POLR1A: variants seen among roughly 807,000 people sequenced by gnomAD.
POLR1A encodes DNA-directed RNA polymerase I subunit RPA1.
In POLR1A, 84 loss-of-function variants were observed where a neutral mutation model predicts 205.3. The observed-to-expected ratio is 0.41, with a 90% CI of 0.34 to 0.49. The LOEUF (loss-of-function observed/expected upper bound fraction) is 0.49, where lower values mean the gene tolerates loss of function less well. Among genes scored for constraint, POLR1A ranks in the 20% least tolerant of loss-of-function variants. The pLI is 0.22. For synonymous variants in POLR1A, 799 were observed against 863.7 expected, an observed-to-expected ratio of 0.93 and a Z score of 1.31; for missense variants, 1,645 against 2,204.5, an observed-to-expected ratio of 0.75 and a Z score of 5.08.
intron 30 of POLR1A, 105 bp from the exon 31 acceptor site, chr2:86,030,501 G>C (rs1006286848): frequency 4.6e-5 from 37 of 810,212 alleles, no homozygotes; most frequent in Admixed American, 2.3e-4. Context: ...CCCTGGCTGG[G>C]GGAAAGTGGT....
chr2:86,105,826 C>T lies in POLR1A; in HGVS notation c.-50G>A. 1 of 1,454,278 alleles carries T rather than the reference C, an allele frequency of 6.9e-7. No homozygotes were observed. 90.1% of individuals were successfully genotyped at this position (1,454,278 alleles called of 1,614,324 possible). A position where few individuals can be genotyped will look rare whatever the true frequency, so the allele number is the denominator to read the frequency against. ...ACACCCCAAGAGACGTTCCACTCAC[C>T]ACCTGACTATTCTTAATTCAACCTC... On this transcript the variant is annotated 5_prime_UTR_variant, in exon 1 of 34. Transcript: ENST00000263857.
chr2:86,062,369 A>G (rs1007217869), intron 14 of POLR1A, among the ~76,000 whole-genome samples: 1 of 152,228 alleles, frequency 6.6e-6, no homozygotes, highest in African/African-American at 2.4e-5. Flanking sequence ...CTCTAGGCAC[A>G]ATGAAATTAA....
chr2:86,075,351 C>A (rs1673262129), intron 11 of POLR1A, 91 bp from the exon 12 acceptor site: 2 of 915,466 alleles, frequency 2.2e-6, no homozygotes, highest in African/African-American at 3.3e-5. Context: ...TGTCTTTTCA[C>A]CCAAGATGTG....
At chr2:86,087,454 T>C (rs1021990360) in intron 6 of POLR1A, among the ~76,000 whole-genome samples, 1 of 152,208 alleles carries the variant, frequency 6.6e-6, no homozygotes, top group Non-Finnish European at 1.5e-5. Flanking sequence ...AATGCCATTA[T>C]ATAGAGTTAG....
chr2:86,067,131 A>G (rs535115505), intron 13 of POLR1A, among the ~76,000 whole-genome samples: 1 of 152,342 alleles, frequency 6.6e-6, no homozygotes, highest in East Asian at 1.9e-4. Context: ...TGCAATCATC[A>G]CAAATTCTAT....
In POLR1A at chr2:86,042,968, C is replaced by T. The variant is rs748705921; in HGVS notation, c.3357+6G>A. ...GGACATTAAGGACACCACCTCCCTG[C>T]ATCACCTCCTGAGTCCCAGGGCTGC... On this transcript the variant is annotated splice_donor_region_variant and intron_variant, in intron 23 of 33. Coordinates refer to ENST00000263857, the MANE Select transcript of POLR1A (RefSeq NM_015425.6). 6.2e-7 allele frequency: 1 copy of T among 1,605,800 alleles called. No individual in the cohort carries two copies. The highest frequency in any genetic ancestry group is 8.5e-7 in the Non-Finnish European group (1 of 1,172,658).
chr2:86,063,088 C>A (rs1045437972), intron 14 of POLR1A, among the ~76,000 whole-genome samples: 16 of 152,156 alleles, frequency 1.1e-4, no homozygotes, highest in Admixed American at 6.5e-4. Context: ...GTAGTCCCAG[C>A]ACTTTGGGAG....
At chr2:86,096,027 C>T (rs7592545) in intron 3 of POLR1A, among the ~76,000 whole-genome samples, 3,782 of 151,906 alleles carry the variant, frequency 0.025, 160 homozygotes, top group African/African-American at 0.085. Context: ...TGCACCCAGC[C>T]GACATAATCT....
At chr2:86,042,664 G>T (rs1030447137) in intron 23 of POLR1A, among the ~76,000 whole-genome samples, 5 of 152,140 alleles carry the variant, frequency 3.3e-5, no homozygotes, top group African/African-American at 1.2e-4. Context: ...CTCTACCCAG[G>T]GCTCTGTCCA....
intron 3 of POLR1A, among the ~76,000 whole-genome samples, chr2:86,093,874 C>T (rs72934567): frequency 0.019 from 2,825 of 152,256 alleles, 83 homozygotes; most frequent in African/African-American, 0.063. Flanking sequence ...CAGTTTAGAG[C>T]CATCTGTTAC....
chr2:86,044,050 G>T, intron 22 of POLR1A, 89 bp downstream of exon 22: 1 of 1,299,862 alleles, frequency 7.7e-7, no homozygotes, highest in Middle Eastern at 1.9e-4. Context: ...ACTTGGACTG[G>T]GTTGCAAAGC....
chr2:86,078,965 C>T (rs1457149220), intron 9 of POLR1A, among the ~76,000 whole-genome samples: 1 of 152,172 alleles, frequency 6.6e-6, no homozygotes, highest in Non-Finnish European at 1.5e-5. Context: ...CTTAGAGCAC[C>T]ACCTATTGAT....
chr2:86,038,229 A>G (rs1672533424), intron 27 of POLR1A, among the ~76,000 whole-genome samples: 1 of 152,220 alleles, frequency 6.6e-6, no homozygotes, highest in Admixed American at 6.5e-5. Context: ...TATAGAATGG[A>G]GATCTAACAG....
In POLR1A at chr2:86,038,788, G is replaced by C; in HGVS notation, c.3946C>G (p.Gln1316Glu). Residue 1316 changes from glutamine to glutamate, a missense_variant, in exon 27 of 34, where the codon CAG becomes GAG. Coordinates refer to ENST00000263857, the MANE Select transcript of POLR1A (RefSeq NM_015425.6). The stretch of plus-strand genomic sequence containing the variant: ...TGTGGCAGGAACTGAAACCGCAGCT[G>C]GTACACCTGGAATTTGTTCTGTTTT... ...EEKQNKFQVYQLRFQFLPHAY... is the reference protein window; with the variant it reads ...EEKQNKFQVYELRFQFLPHAY... The C allele has an allele frequency of 6.2e-7, 1 of 1,613,902 alleles. No individual in the cohort carries two copies. Among genetic ancestry groups the C allele is most frequent in the Non-Finnish European group, 8.5e-7 (1 of 1,179,820 alleles).
chr2:86,058,398 CTTTTTTTTTTTTT>C (rs11350157), intron 14 of POLR1A, among the ~76,000 whole-genome samples: 2 of 120,094 alleles, frequency 1.7e-5, no homozygotes, highest in East Asian at 4.7e-4. Flanking sequence ...CTCACCCAGC[CTTTTTTTTTTTTT>C]TTTTTTTTTA....
intron 1 of POLR1A, among the ~76,000 whole-genome samples, chr2:86,102,306 TTC>T (rs1391254907): frequency 1.3e-5 from 2 of 152,198 alleles, no homozygotes; most frequent in African/African-American, 4.8e-5. Flanking sequence ...ACTTACTACT[TTC>T]TGTTTTTCTG....
rs200078950 is a variant in POLR1A at position 86,039,314 on chromosome 2, G to A, written c.3876+13C>T. On this transcript the variant is annotated intron_variant, in intron 26 of 33. Coordinates refer to ENST00000263857, the MANE Select transcript of POLR1A (RefSeq NM_015425.6). ...CTTCACCCCGTCTGCAACCTGGGAA[G>A]GAGAGACGTTACCTCCCCCAAGCAC... The A allele has an allele frequency of 1.0e-4, 164 of 1,613,386 alleles. No homozygotes were observed. The highest frequency in any genetic ancestry group is 1.3e-4 in the Non-Finnish European group (149 of 1,179,946).
chr2:86,025,704 CCA>C lies in POLR1A; in HGVS notation c.*1717_*1718del, dbSNP rs1315856512. The C allele has an allele frequency of 6.6e-6, 1 of 152,270 alleles. No individual in the cohort carries two copies. The highest frequency in any genetic ancestry group is 1.5e-5 in the Non-Finnish European group (1 of 68,064). The allele number at this position is 152,270 out of a possible 1,614,324, so 9.4% of individuals were successfully genotyped here. On this transcript the variant is annotated 3_prime_UTR_variant, in exon 34 of 34. Transcript: ENST00000263857. ...AGAGATGGAATCCACGGACCCTGTGCCACAGTCACCAGGTTACTTTGTGATCT... is the reference window on the plus strand; with the variant it reads ...AGAGATGGAATCCACGGACCCTGTGCCAGTCACCAGGTTACTTTGTGATCT...
intron 1 of POLR1A, among the ~76,000 whole-genome samples, chr2:86,102,890 A>AC (rs1673848536): frequency 6.6e-6 from 1 of 152,190 alleles, no homozygotes; most frequent in Non-Finnish European, 1.5e-5. Flanking sequence ...TGGAGGTGCC[A>AC]CCACAAATGG....
Sources: allele counts gnomAD v4.1 joint callset (sites outside exome capture counted in the v4.1 genomes callset), GRCh38; gene constraint gnomAD v4.1.1; transcripts MANE v1.5; gene names NCBI Gene and HGNC (gene_info 2026-07-23, HGNC 2026-07-21).